Variants in ANK3 observed in about 807,000 individuals in gnomAD.
ANK3 encodes ankyrin-3.
A neutral mutation model predicts 370.9 loss-of-function variants in ANK3; 57 were observed. The ratio of observed to expected loss-of-function variants is 0.15; its 90% CI spans 0.12 to 0.19. ANK3 has a LOEUF of 0.19. Among genes scored for constraint, ANK3 ranks in the 10% least tolerant of loss-of-function variants. The pLI is 1.00. For synonymous variants in ANK3, 1,929 were observed against 1,946.3 expected, an observed-to-expected ratio of 0.99 and a Z score of 0.23; for missense variants, 4,439 against 5,302.1, an observed-to-expected ratio of 0.84 and a Z score of 5.06.
At chr10:60,082,489 G>A in intron 34 of ANK3, 126 bp downstream of exon 34, 2 of 1,290,776 alleles carry the variant, frequency 1.5e-6, no homozygotes, top group Non-Finnish European at 2.1e-6. Context: ...CAATCTACAC[G>A]AGGAGACTAA....
At chr10:60,371,065 A>C (rs1401551684) in intron 1 of ANK3, among the ~76,000 whole-genome samples, 1 of 152,084 alleles carries the variant, frequency 6.6e-6, no homozygotes, top group Non-Finnish European at 1.5e-5. Context: ...TTCCAACCAC[A>C]TTCAGTAAGT....
upstream of ANK3, among the ~76,000 whole-genome samples, chr10:60,394,486 C>T (rs970045097): frequency 1.3e-5 from 2 of 152,068 alleles, no homozygotes; most frequent in Non-Finnish European, 2.9e-5. Context: ...ATCTGACTAT[C>T]CAGCTTGACC....
At chr10:60,703,872 C>CAGGT in intron 1 of ANK3, among the ~76,000 whole-genome samples, 1 of 152,282 alleles carries the variant, frequency 6.6e-6, no homozygotes, top group South Asian at 2.1e-4. Flanking sequence ...TGAACACCTC[C>CAGGT]AGGTGTTCGT....
intron 1 of ANK3, among the ~76,000 whole-genome samples, chr10:60,635,946 C>T (rs1588951445): frequency 1.3e-5 from 2 of 152,230 alleles, no homozygotes; most frequent in East Asian, 3.9e-4. Flanking sequence ...GGAAATATTT[C>T]ACAGCCATAT....
At chr10:60,500,343 A>T (rs10821776) in intron 2 of ANK3, among the ~76,000 whole-genome samples, 89,223 of 151,954 alleles carry the variant, frequency 0.59, 26,626 homozygotes, top group East Asian at 0.79. Flanking sequence ...CCAAACCTCA[A>T]ATTTGGCTTT....
intron 2 of ANK3, among the ~76,000 whole-genome samples, chr10:60,444,425 CAT>C (rs1491572335): frequency 1.5e-5 from 2 of 129,774 alleles, no homozygotes; most frequent in East Asian, 2.2e-4. Flanking sequence ...GTATATATAA[CAT>C]ACGTGTGTGT....
intron 42 of ANK3, among the ~76,000 whole-genome samples, chr10:60,046,786 T>G (rs1454662954): frequency 1.3e-5 from 2 of 150,788 alleles, no homozygotes; most frequent in Non-Finnish European, 2.9e-5. Context: ...AGGCCTCTCT[T>G]CAATGGGAGA....
At chr10:60,098,450 A>G (rs184290819) in intron 28 of ANK3, among the ~76,000 whole-genome samples, 15 of 152,336 alleles carry the variant, frequency 9.8e-5, no homozygotes, top group Admixed American at 7.2e-4. Context: ...AACTCTAGTT[A>G]TAGAATATGT....
chr10:60,530,346 C>G (rs2076575032), intron 2 of ANK3, among the ~76,000 whole-genome samples: 1 of 151,704 alleles, frequency 6.6e-6, no homozygotes, highest in Admixed American at 6.6e-5. Context: ...AATCAAGAAA[C>G]TAAATTTAAT....
intron 2 of ANK3, among the ~76,000 whole-genome samples, chr10:60,500,162 G>A (rs909521854): frequency 1.3e-5 from 2 of 152,112 alleles, no homozygotes; most frequent in Non-Finnish European, 2.9e-5. Context: ...GGTGTTGCAC[G>A]ATCAGAGCAG....
rs139059324 is a variant in ANK3, at chr10:60,386,678, A to T, written c.114+2747T>A. Among the ~76,000 whole-genome samples the T allele has an allele frequency of 1.4e-3, 207 of 152,292 alleles. No individual in the cohort carries two copies. The Middle Eastern group carries it at 0.014, about 10-fold the overall frequency. ...TCTACATATGTATTATGATTTCATG[A>T]TAACACATAGTGATATCCCATACTA... is the stretch of plus-strand genomic sequence containing the variant. On this transcript the variant is annotated intron_variant, in intron 1 of 43. Coordinates refer to ENST00000280772, the MANE Select transcript of ANK3 (RefSeq NM_020987.5).
chr10:60,112,435 TATA>T (rs2092782089), intron 26 of ANK3, among the ~76,000 whole-genome samples: 2 of 152,280 alleles, frequency 1.3e-5, no homozygotes, highest in East Asian at 1.9e-4. Flanking sequence ...AGTTTAAAAT[TATA>T]ATAATTCAAG....
intron 16 of ANK3, among the ~76,000 whole-genome samples, chr10:60,190,770 T>C (rs1340376131): frequency 6.6e-6 from 1 of 152,176 alleles, no homozygotes; most frequent in Non-Finnish European, 1.5e-5. Context: ...GGAGCCCAAA[T>C]AGCTAAAGCA....
chr10:60,266,988 T>C (rs769870545), intron 5 of ANK3, among the ~76,000 whole-genome samples: 1 of 152,086 alleles, frequency 6.6e-6, no homozygotes, highest in Non-Finnish European at 1.5e-5. Context: ...AGATTATATA[T>C]AGAGAGAAAA....
intron 2 of ANK3, among the ~76,000 whole-genome samples, chr10:60,416,080 C>A (rs148386918): frequency 2.6e-5 from 4 of 152,092 alleles, no homozygotes; most frequent in East Asian, 3.9e-4. Context: ...GAAAGACCCT[C>A]ATCCTTTCTA....
chr10:60,621,968 C>T (rs1266806717), intron 1 of ANK3, among the ~76,000 whole-genome samples: 1 of 152,138 alleles, frequency 6.6e-6, no homozygotes, highest in East Asian at 1.9e-4. Flanking sequence ...GTAGTAATCA[C>T]ACAGTGGTGA....
At chr10:60,724,688 T>C (rs932124612) in intron 1 of ANK3, among the ~76,000 whole-genome samples, 2 of 152,186 alleles carry the variant, frequency 1.3e-5, no homozygotes, top group Non-Finnish European at 2.9e-5. Context: ...TCACACTAAA[T>C]CAAGTGTACT....
intron 43 of ANK3, among the ~76,000 whole-genome samples, chr10:60,042,221 G>A (rs894387244): frequency 6.6e-6 from 1 of 152,110 alleles, no homozygotes; most frequent in African/African-American, 2.4e-5. Flanking sequence ...ATTTAATTTA[G>A]ACTTGGAAAG....
chr10:60,556,907 C>T (rs1342838908), intron 2 of ANK3, among the ~76,000 whole-genome samples: 1 of 152,176 alleles, frequency 6.6e-6, no homozygotes, highest in East Asian at 1.9e-4. Flanking sequence ...TCAGCTGCGG[C>T]ATTAGATTCT....
Sources: gnomAD v4.1 joint callset for allele counts (sites outside exome capture counted in the v4.1 genomes callset) on GRCh38, gnomAD v4.1.1 for gene constraint, MANE v1.5 for transcripts, NCBI Gene and HGNC (gene_info 2026-07-23, HGNC 2026-07-21) for gene names.